Variants in CARS1 observed in about 807,000 individuals in gnomAD.
CARS1 encodes the protein cysteinyl-tRNA synthetase 1, also known as cysteine--tRNA ligase, cytoplasmic.
A neutral mutation model predicts 106.2 loss-of-function variants in CARS1; 48 were observed. The ratio of observed to expected loss-of-function variants is 0.45; its 90% CI spans 0.36 to 0.57. The LOEUF is 0.57. Among genes scored for constraint, CARS1 ranks in the 20% least tolerant of loss-of-function variants. The pLI is 0.00. For synonymous variants in CARS1, 409 were observed against 403.4 expected (o/e 1.01, Z -0.17); for missense variants, 968 against 1,057.2 (o/e 0.92, Z 1.17).
In CARS1 at chr11:3,025,526, AT is replaced by A. The variant is rs1202766374; in HGVS notation, c.1153+1149del. Among the ~76,000 whole-genome samples, 3 of 152,324 alleles carry A rather than the reference AT, an allele frequency of 2.0e-5. No individual in the cohort carries two copies. In the East Asian group the frequency reaches 5.8e-4, roughly 29 times the overall value. On this transcript the variant is annotated intron_variant, in intron 10 of 22. Transcript: ENST00000380525. ...TATAGGCGTGAGCCACCGCACCTTT[AT>A]TTTAGGTTCTGATATTTCTTTAGAA... is the stretch of plus-strand genomic sequence containing the variant.
rs927243187 is a variant in CARS1 at position 3,001,031 on chromosome 11, T to C, written c.*83A>G. On this transcript the variant is annotated 3_prime_UTR_variant, in exon 23 of 23. Transcript: ENST00000380525. The stretch of plus-strand genomic sequence containing the variant: ...TAGGACCCAAGGGTGACTGTAAACA[T>C]GATAGGAGCGCTGGGACATTGTCAC... 1.3e-6 allele frequency: 2 copies of C among 1,495,386 alleles called. No homozygotes were observed. The highest frequency in any genetic ancestry group is 1.8e-6 in the Non-Finnish European group (2 of 1,082,844). The allele number at this position is 1,495,386 out of a possible 1,614,324, so 92.6% of individuals were successfully genotyped here. A position where few individuals can be genotyped will look rare whatever the true frequency, so the allele number is the denominator to read the frequency against.
chr11:3,027,407 T>A (rs1449084707), intron 9 of CARS1: 1 of 155,112 alleles, frequency 6.4e-6, no homozygotes, highest in Non-Finnish European at 1.4e-5. Context: ...ACACAGTGGG[T>A]CTCTGGGAGC....
intron 10 of CARS1, among the ~76,000 whole-genome samples, chr11:3,023,906 T>C (rs1043265259): frequency 2.6e-5 from 4 of 152,224 alleles, no homozygotes; most frequent in Non-Finnish European, 5.9e-5. Context: ...CCTTTTTTTT[T>C]GTTTGAGATG....
At chr11:3,009,553 G>A (rs1217487680) in intron 18 of CARS1, 2 of 152,242 alleles carry the variant, frequency 1.3e-5, no homozygotes, top group Non-Finnish European at 2.9e-5. Flanking sequence ...GCACTGAGCT[G>A]TGTATTTTAA....
Position 3,001,017 on chromosome 11 carries a change from G to T in CARS1, c.*97C>A. ...CACAACTCTTAATTTAGGACCCAAGGGTGACTGTAAACATGATAGGAGCGC... is the reference window on the plus strand; with the variant it reads ...CACAACTCTTAATTTAGGACCCAAGTGTGACTGTAAACATGATAGGAGCGC... On this transcript the variant is annotated 3_prime_UTR_variant, in exon 23 of 23. Coordinates refer to ENST00000380525, the MANE Select transcript of CARS1 (RefSeq NM_001014437.3). The T allele has an allele frequency of 7.3e-7, 1 of 1,374,412 alleles. No individual in the cohort carries two copies. Among genetic ancestry groups the T allele is most frequent in the Non-Finnish European group, 1.0e-6 (1 of 981,286 alleles). The allele number at this position is 1,374,412 out of a possible 1,614,324, so 85.1% of individuals were successfully genotyped here. A position where few individuals can be genotyped will look rare whatever the true frequency, so the allele number is the denominator to read the frequency against.
In CARS1 at chr11:3,030,470, G is replaced by A. The variant is rs1029789940; in HGVS notation, c.802-1027C>T. 8 of 152,254 alleles carry A rather than the reference G, an allele frequency of 5.3e-5. No individual in the cohort carries two copies. The highest frequency in any genetic ancestry group is 1.9e-4 in the East Asian group (1 of 5,182). The allele number at this position is 152,254 out of a possible 1,614,324, so 9.4% of individuals were successfully genotyped here. A position where few individuals can be genotyped will look rare whatever the true frequency, so the allele number is the denominator to read the frequency against. On this transcript the variant is annotated intron_variant, in intron 7 of 22. Coordinates refer to ENST00000380525, the MANE Select transcript of CARS1 (RefSeq NM_001014437.3). This position sits in a 1 kb window ranked among gnomAD's most constrained non-coding sequence, Gnocchi z 5.7. ...GACAAGCACCAAAAGCAGGGTGTGC[G>A]CTCTGGGGAGCAAAGGCTGCCAAGT... is the stretch of plus-strand genomic sequence containing the variant.
Position 3,050,072 on chromosome 11 carries a change from C to T in CARS1, c.26-2071G>A, listed in dbSNP as rs551828194. Among the ~76,000 whole-genome samples the T allele has an allele frequency of 2.0e-5, 3 of 152,326 alleles. No individual in the cohort carries two copies. The South Asian group carries it at 6.2e-4, about 32-fold the overall frequency. ...TCACCCGCCAGGGAGCCTACGGAGC[C>T]ACGTGATGCCCCAAGGCCCAGCCTC... On this transcript the variant is annotated intron_variant, in intron 1 of 22. Transcript: ENST00000380525. This position sits in a 1 kb window ranked among gnomAD's most constrained non-coding sequence, Gnocchi z 6.3.
Position 3,042,218 on chromosome 11 carries a change from C to T in CARS1, c.313G>A (p.Ala105Thr). The change falls in exon 3 of 23, where the codon GCT (alanine) becomes ACT (threonine). Residue 105 changes from alanine to threonine, a missense_variant. Physicochemically the swap from Ala to Thr is moderately conservative, Grantham distance 58. Coordinates refer to ENST00000380525, the MANE Select transcript of CARS1 (RefSeq NM_001014437.3). ...RRVQPQWSPP[A>T]GTQPCRLHLY... ...TGGAGTCTGCATGGCTGGGTCCCAG[C>T]AGGAGGGGACCACTGGGGCTGCACA... is the stretch of plus-strand genomic sequence containing the variant. 6.2e-7 allele frequency: 1 copy of T among 1,613,654 alleles called. No homozygotes were observed. Among genetic ancestry groups the T allele is most frequent in the South Asian group, 1.1e-5 (1 of 91,076 alleles).
chr11:3,036,102 A>AT (rs1445356399), intron 7 of CARS1, among the ~76,000 whole-genome samples: 3 of 152,132 alleles, frequency 2.0e-5, no homozygotes, highest in Non-Finnish European at 2.9e-5. Context: ...ATGTGGCTGC[A>AT]TTTTTTTCCT....
intron 7 of CARS1, among the ~76,000 whole-genome samples, chr11:3,035,824 G>C (rs1590465770): frequency 6.6e-6 from 1 of 152,218 alleles, no homozygotes; most frequent in Admixed American, 6.5e-5. Flanking sequence ...GAAGATAAAA[G>C]TGAGCCTAGA....
rs548299048 is a variant in CARS1 at position 3,046,552 on chromosome 11, G to T, written c.274+1201C>A. ...TGCTGCAGAGTTATCCAGAAAACAC[G>T]ACCCACAGGAGATGTGACATCCCCA... On this transcript the variant is annotated intron_variant, in intron 2 of 22. Coordinates refer to ENST00000380525, the MANE Select transcript of CARS1 (RefSeq NM_001014437.3). This position sits in a 1 kb window ranked among gnomAD's most constrained non-coding sequence, Gnocchi z 5.8. Among the ~76,000 whole-genome samples the T allele has an allele frequency of 1.3e-5, 2 of 152,148 alleles. No individual in the cohort carries two copies. Among genetic ancestry groups the T allele is most frequent in the Non-Finnish European group, 2.9e-5 (2 of 68,022 alleles).
chr11:3,016,302 G>C (rs953787955), intron 16 of CARS1, among the ~76,000 whole-genome samples: 3 of 151,024 alleles, frequency 2.0e-5, no homozygotes, highest in Non-Finnish European at 4.4e-5. Context: ...CTCACTGCAA[G>C]CTCTGCCTCC....
Position 3,018,769 on chromosome 11 carries a change from G to A in CARS1, c.1396-20C>T, listed in dbSNP as rs369759953. On this transcript the variant is annotated intron_variant, in intron 12 of 22. Transcript: ENST00000380525. Reference sequence around the variant, plus strand: ...GTAGGCCTGCGTGGAAAGAGACAAAGGATGTCAACAGTCATGTGTTACTGG... The same window carrying A: ...GTAGGCCTGCGTGGAAAGAGACAAAAGATGTCAACAGTCATGTGTTACTGG... 6.2e-7 allele frequency: 1 copy of A among 1,610,120 alleles called. No homozygotes were observed. The highest frequency in any genetic ancestry group is 1.7e-5 in the Admixed American group (1 of 59,724).
At position 3,045,058 on chromosome 11, in the gene CARS1, G is replaced by A. The variant is rs1424681874; in HGVS notation, c.274+2695C>T. 1.3e-5 allele frequency among the ~76,000 whole-genome samples: 2 copies of A among 152,140 alleles called. No individual in the cohort carries two copies. Among genetic ancestry groups the A allele is most frequent in the Non-Finnish European group, 1.5e-5 (1 of 68,028 alleles). On this transcript the variant is annotated intron_variant, in intron 2 of 22. Transcript: ENST00000380525. This position sits in a 1 kb window ranked among gnomAD's most constrained non-coding sequence, Gnocchi z 5.6. ...ACCCTCCTCAGTGAAGGGTATAGCT[G>A]ACACTCCTTCCCGGGGGGTAGGGAG... is the stretch of plus-strand genomic sequence containing the variant.
intron 7 of CARS1, among the ~76,000 whole-genome samples, chr11:3,032,664 C>T (rs1024606980): frequency 1.4e-4 from 22 of 152,046 alleles, no homozygotes; most frequent in African/African-American, 4.3e-4. Context: ...GGCTGCAACA[C>T]TGTAGGATTC....
In CARS1 at chr11:3,017,289, A is replaced by G. The variant is rs1323682574; in HGVS notation, c.1734T>C (p.Tyr578=). ...EEEAELNKNF[Y]DKKTAIHKAL... Reference sequence around the variant, plus strand: ...CTTTGTGAATTGCTGTCTTCTTGTCATAAAAGCTGAGCAACAAAGAGGAAG... The same window carrying G: ...CTTTGTGAATTGCTGTCTTCTTGTCGTAAAAGCTGAGCAACAAAGAGGAAG... The change falls in exon 16 of 23, where the codon TAT becomes TAC. Residue 578 remains tyrosine, a synonymous_variant. Transcript: ENST00000380525. This position sits in a 1 kb window ranked among gnomAD's most constrained non-coding sequence, Gnocchi z 4.9. 6.2e-7 allele frequency: 1 copy of G among 1,611,536 alleles called. No individual in the cohort carries two copies. The highest frequency in any genetic ancestry group is 8.5e-7 in the Non-Finnish European group (1 of 1,177,834).
rs750435435 is a variant in CARS1, at chr11:3,039,220, A to C, written c.625T>G (p.Leu209Val). 2.5e-6 allele frequency: 4 copies of C among 1,613,224 alleles called. No homozygotes were observed. Among genetic ancestry groups the C allele is most frequent in the East Asian group, 4.5e-5 (2 of 44,866 alleles). Reference protein sequence around the residue: ...REKRPEAAQLLEDVQAALKPF... With the variant: ...REKRPEAAQLVEDVQAALKPF... ...TTCAGGGCGGCCTGAACATCCTCCA[A>C]GAGCTGTGCCGCTTCAGGCCTCTTC... The change falls in exon 6 of 23, where the codon TTG becomes GTG. Residue 209 changes from leucine (L) to valine (V), a missense_variant. By Grantham distance (32) the Leu-to-Val change is conservative. Coordinates refer to ENST00000380525, the MANE Select transcript of CARS1 (RefSeq NM_001014437.3). This position sits in a 1 kb window ranked among gnomAD's most constrained non-coding sequence, Gnocchi z 5.6.
chr11:3,016,796 T>C (rs993906075), intron 16 of CARS1, among the ~76,000 whole-genome samples: 1 of 152,136 alleles, frequency 6.6e-6, no homozygotes, highest in African/African-American at 2.4e-5. Context: ...ATATATTTTA[T>C]AGACCCGGGA....
chr11:3,006,630 TA>T (rs1376404507), intron 19 of CARS1, among the ~76,000 whole-genome samples: 1 of 152,172 alleles, frequency 6.6e-6, no homozygotes, highest in Non-Finnish European at 1.5e-5. Context: ...GCCAGGCCCC[TA>T]GGGGAGATGA....
Sources: allele counts gnomAD v4.1 joint callset (sites outside exome capture counted in the v4.1 genomes callset), GRCh38; gene constraint gnomAD v4.1.1; non-coding constraint Gnocchi (gnomAD v3.1); transcripts MANE v1.5; gene names NCBI Gene and HGNC (gene_info 2026-07-23, HGNC 2026-07-21).